Variants in SH3PXD2B observed in about 807,000 individuals in gnomAD.
SH3PXD2B encodes the protein SH3 and PX domain-containing protein 2B.
Under a neutral mutation model 73.1 loss-of-function variants are expected in SH3PXD2B, and 37 were observed. That is an observed-to-expected ratio of 0.51 (90% CI 0.39 to 0.67). The LOEUF (loss-of-function observed/expected upper bound fraction) is 0.67. Among genes scored for constraint, SH3PXD2B ranks in the 30% least tolerant of loss-of-function variants. The pLI, the probability that SH3PXD2B is intolerant of heterozygous loss-of-function variation, is 0.00. For synonymous variants in SH3PXD2B, 457 were observed against 480.5 expected (o/e 0.95, Z 0.64); for missense variants, 1,053 against 1,197.8 (o/e 0.88, Z 1.78).
chr5:172,439,690 G>GCACACA lies in SH3PXD2B; in HGVS notation c.75+14587_75+14588insTGTGTG, dbSNP rs1488784600. ...TGTGTGCGTGCGTGCGCGCACGCGC[G>GCACACA]CGCACACACACACACACACACACAC... On this transcript the variant is annotated intron_variant, in intron 1 of 12. Coordinates refer to ENST00000311601, the MANE Select transcript of SH3PXD2B (RefSeq NM_001017995.3). 6.8e-3 allele frequency among the ~76,000 whole-genome samples: 769 copies of GCACACA among 113,166 alleles called. 5 individuals carry two copies. The highest frequency in any genetic ancestry group is 8.3e-3 in the African/African-American group (220 of 26,534). 74.2% of individuals were successfully genotyped at this position (113,166 alleles called of 152,430 possible).
At chr5:172,365,228 T>G (rs1244853220) in intron 6 of SH3PXD2B, among the ~76,000 whole-genome samples, 5 of 152,142 alleles carry the variant, frequency 3.3e-5, no homozygotes, top group African/African-American at 9.7e-5. Flanking sequence ...GGAAGCAGCC[T>G]CAATGAGGGT....
chr5:172,426,281 G>A (rs1018447809), intron 1 of SH3PXD2B, among the ~76,000 whole-genome samples: 2 of 152,166 alleles, frequency 1.3e-5, no homozygotes, highest in Admixed American at 6.5e-5. Flanking sequence ...CTTTGTCCCC[G>A]TCCTGGGTTT....
intron 1 of SH3PXD2B, among the ~76,000 whole-genome samples, chr5:172,434,741 C>A (rs1445811214): frequency 1.3e-5 from 2 of 149,634 alleles, no homozygotes; most frequent in Non-Finnish European, 3.0e-5. Context: ...GGTCCCATGA[C>A]AAAGTTATTA....
chr5:172,334,773 C>A lies in SH3PXD2B; in HGVS notation c.*3596G>T, dbSNP rs1192401348. ...CGAAATAAATACCAGACTGTCCACTCCTCAGCCTAAGGTCCTTCTCAAGTC... is the reference window on the plus strand; with the variant it reads ...CGAAATAAATACCAGACTGTCCACTACTCAGCCTAAGGTCCTTCTCAAGTC... On this transcript the variant is annotated 3_prime_UTR_variant, in exon 13 of 13. Coordinates refer to ENST00000311601, the MANE Select transcript of SH3PXD2B (RefSeq NM_001017995.3). 1.0e-6 allele frequency: 1 copy of A among 985,452 alleles called. No individual in the cohort carries two copies. The highest frequency in any genetic ancestry group is 1.2e-6 in the Non-Finnish European group (1 of 829,960). 61.0% of individuals were successfully genotyped at this position (985,452 alleles called of 1,614,324 possible). A position where few individuals can be genotyped will look rare whatever the true frequency, so the allele number is the denominator to read the frequency against.
intron 12 of SH3PXD2B, among the ~76,000 whole-genome samples, chr5:172,327,752 GTTTTTTTTT>G: frequency 7.0e-6 from 1 of 142,424 alleles, no homozygotes; most frequent in Non-Finnish European, 1.5e-5. Context: ...CTGCAACTGG[GTTTTTTTTT>G]TTTTTTTTTT....
At chr5:172,352,615 G>A (rs1757180792) in intron 9 of SH3PXD2B, among the ~76,000 whole-genome samples, 1 of 152,188 alleles carries the variant, frequency 6.6e-6, no homozygotes, top group African/African-American at 2.4e-5. Flanking sequence ...GTTGTGGGAG[G>A]GACTCAGGCG....
Position 172,382,067 on chromosome 5 carries a change from T to G in SH3PXD2B, c.370A>C (p.Thr124Pro). The G allele has an allele frequency of 6.2e-7, 1 of 1,612,318 alleles. No individual in the cohort carries two copies. The highest frequency in any genetic ancestry group is 8.5e-7 in the Non-Finnish European group (1 of 1,179,462). ...GGGGGATTCAGGTCCTCAGGTCTTG[T>G]CTCAAAGAACTGCAGCACCTCATCA... ...QCDEVLQFFE[T>P]RPEDLNPPKE... Residue 124 changes from threonine (T) to proline (P), a missense_variant, in exon 5 of 13, where the codon ACA (threonine) becomes CCA (proline). Physicochemically the swap from Thr to Pro is conservative, Grantham distance 38 (BLOSUM62 -1). Around this residue, in one of 2 missense-constraint regions of SH3PXD2B, gnomAD observed 466 missense variants for 607.1 expected, o/e 0.77. Coordinates refer to ENST00000311601, the MANE Select transcript of SH3PXD2B (RefSeq NM_001017995.3).
At chr5:172,389,204 G>A (rs1008087306) in intron 4 of SH3PXD2B, among the ~76,000 whole-genome samples, 1 of 151,560 alleles carries the variant, frequency 6.6e-6, no homozygotes, top group East Asian at 1.9e-4. Context: ...TACAGGTGCC[G>A]ACCACCACAC....
rs375303917 is a variant in SH3PXD2B at position 172,353,869 on chromosome 5, G to T, written c.785+19C>A. The stretch of plus-strand genomic sequence containing the variant: ...GACCCCAAACCCACCCAGCAACCGT[G>T]GGGGGCAGCGGCTGGTACCTGATCT... On this transcript the variant is annotated intron_variant, in intron 9 of 12. Transcript: ENST00000311601. This position sits in a 1 kb window ranked among gnomAD's most constrained non-coding sequence, Gnocchi z 4.3. The T allele has an allele frequency of 2.0e-5, 32 of 1,603,888 alleles. No individual in the cohort carries two copies. Among genetic ancestry groups the T allele is most frequent in the Non-Finnish European group, 2.7e-5 (32 of 1,171,606 alleles).
At chr5:172,329,175 G>C (rs1484299425), downstream of SH3PXD2B, among the ~76,000 whole-genome samples, 1 of 145,940 alleles carries the variant, frequency 6.9e-6, no homozygotes, top group Non-Finnish European at 1.5e-5. Context: ...CCACCTTCCC[G>C]GTTCAAATGA....
intron 1 of SH3PXD2B, among the ~76,000 whole-genome samples, chr5:172,434,211 G>A (rs888306512): frequency 6.6e-6 from 1 of 152,086 alleles, no homozygotes; most frequent in African/African-American, 2.4e-5. Context: ...CTCTATGCAT[G>A]CAACAAAATA....
At chr5:172,439,268 AAC>A (rs1759478464) in intron 1 of SH3PXD2B, among the ~76,000 whole-genome samples, 4 of 68,292 alleles carry the variant, frequency 5.9e-5, no homozygotes, top group African/African-American at 2.0e-4. Context: ...AAAAAACAAA[AAC>A]AAAAACAAAA....
intron 12 of SH3PXD2B, among the ~76,000 whole-genome samples, chr5:172,345,477 G>C (rs561597386): frequency 6.6e-6 from 1 of 152,310 alleles, no homozygotes; most frequent in Non-Finnish European, 1.5e-5. Context: ...AGTGAATTTG[G>C]TGATACCTGT....
chr5:172,382,537 T>C (rs79212308), intron 4 of SH3PXD2B, among the ~76,000 whole-genome samples: 10 of 147,772 alleles, frequency 6.8e-5, no homozygotes, highest in Non-Finnish European at 1.3e-4. Context: ...TTCCTGGTGA[T>C]GCTGCTGGTT....
In SH3PXD2B at chr5:172,432,289, C is replaced by G. The variant is rs76522881; in HGVS notation, c.76-9793G>C. On this transcript the variant is annotated intron_variant, in intron 1 of 12. Coordinates refer to ENST00000311601, the MANE Select transcript of SH3PXD2B (RefSeq NM_001017995.3). ...GAATGAAGCTTCTCCATAGGCACAT[C>G]ACAGCCATCTTGCGTTTAGGCTCAC... Among the ~76,000 whole-genome samples the G allele has an allele frequency of 2.2e-3, 328 of 152,078 alleles. 2 individuals are homozygous for G. Among genetic ancestry groups the G allele is most frequent in the African/African-American group, 7.5e-3 (310 of 41,568 alleles).
At chr5:172,347,426 G>C in intron 10 of SH3PXD2B, 94 bp from the exon 11 acceptor site, 2 of 1,282,656 alleles carry the variant, frequency 1.6e-6, no homozygotes, top group East Asian at 2.3e-5. Flanking sequence ...GCAGAAGATT[G>C]AACACAGGCG....
In SH3PXD2B at chr5:172,423,842, C is replaced by T. The variant is rs1399818546; in HGVS notation, c.76-1346G>A. ...ATTTTTAGTAGAGACGGGGTTTTGT[C>T]ATGTTGCTCAGGCTGGTCTCGAACT... On this transcript the variant is annotated intron_variant, in intron 1 of 12. Transcript: ENST00000311601. Among the ~76,000 whole-genome samples the T allele has an allele frequency of 2.0e-5, 3 of 152,252 alleles. No homozygotes were observed. In the East Asian group the frequency reaches 5.8e-4, roughly 29 times the overall value.
chr5:172,348,706 T>A lies in SH3PXD2B; in HGVS notation c.1013-1374A>T, dbSNP rs1000145360. Among the ~76,000 whole-genome samples the A allele has an allele frequency of 7.5e-4, 24 of 32,032 alleles. No homozygotes were observed. In the South Asian group the frequency reaches 7.7e-3, roughly 10 times the overall value. The allele number at this position is 32,032 out of a possible 152,430, so 21.0% of individuals were successfully genotyped here. On this transcript the variant is annotated intron_variant, in intron 10 of 12. Coordinates refer to ENST00000311601, the MANE Select transcript of SH3PXD2B (RefSeq NM_001017995.3). ...ATCTATCTATCTATCTATCTATCTATCTATTTATTTATTTTTGAGGGACAG... is the reference window on the plus strand; with the variant it reads ...ATCTATCTATCTATCTATCTATCTAACTATTTATTTATTTTTGAGGGACAG...
At chr5:172,332,523 C>T (rs2113225186), downstream of SH3PXD2B, among the ~76,000 whole-genome samples, 1 of 151,934 alleles carries the variant, frequency 6.6e-6, no homozygotes, top group African/African-American at 2.4e-5. Context: ...CTTGGCCTCC[C>T]AAAGTGCTGG....
Sources: gnomAD v4.1 joint callset for allele counts (sites outside exome capture counted in the v4.1 genomes callset) on GRCh38, gnomAD v4.1.1 for gene constraint, gnomAD v4.1.1 regional missense constraint, Gnocchi (gnomAD v3.1) non-coding constraint, MANE v1.5 for transcripts, NCBI Gene and HGNC (gene_info 2026-07-23, HGNC 2026-07-21) for gene names.